The following KCTD1 variants were observed in gnomAD, a reference collection of about 807,000 sequenced individuals.
The protein encoded by KCTD1 is potassium channel tetramerization domain containing 1, also known as BTB/POZ domain-containing protein KCTD1.
Under a neutral mutation model 66.0 loss-of-function variants are expected in KCTD1, and 24 were observed. That is an observed-to-expected ratio of 0.36 (90% CI 0.26 to 0.51). KCTD1 has a LOEUF of 0.51. Ranked by LOEUF, KCTD1 falls within the 20% of genes least tolerant of loss-of-function variation. KCTD1 has a pLI of 0.95. For missense variants in KCTD1, 943 were observed against 1,205.2 expected, an observed-to-expected ratio of 0.78 and a Z score of 3.22; for synonymous variants, 511 against 517.2, an observed-to-expected ratio of 0.99 and a Z score of 0.16.
chr18:26,626,166 CAA>C (rs11426681), intron 1 of KCTD1, among the ~76,000 whole-genome samples: 1 of 138,662 alleles, frequency 7.2e-6, no homozygotes, highest in African/African-American at 2.6e-5. Context: ...AAAAAAAAAA[CAA>C]AAAAAAAAAC....
rs147159090 is a variant in KCTD1 at position 26,582,419 on chromosome 18, A to C, written c.-16+46728T>G. On this transcript the variant is annotated intron_variant, in intron 1 of 4. Transcript: ENST00000317932. ...ATGAGTTATTGTTTTTCCACCTCTC[A>C]GCTAACAAGAACACATTGTACTAGT... Among the ~76,000 whole-genome samples the C allele has an allele frequency of 3.1e-3, 475 of 152,366 alleles. 1 individual carries two copies. The highest frequency in any genetic ancestry group is 0.011 in the African/African-American group (442 of 41,588).
At chr18:26,549,745 G>T, upstream of KCTD1, 1 of 985,426 alleles carries the variant, frequency 1.0e-6, no homozygotes, top group Non-Finnish European at 1.2e-6. Context: ...TTTGCCAACC[G>T]CCATTCGTTC....
At chr18:26,518,486 G>C (rs1983768379) in intron 1 of KCTD1, among the ~76,000 whole-genome samples, 2 of 152,100 alleles carry the variant, frequency 1.3e-5, no homozygotes, top group African/African-American at 4.8e-5. Context: ...GGCTGGTCTT[G>C]AACTCCTGAC....
chr18:26,495,153 C>T (rs1466038011), intron 2 of KCTD1, among the ~76,000 whole-genome samples: 2 of 151,824 alleles, frequency 1.3e-5, no homozygotes, highest in Admixed American at 6.6e-5. Flanking sequence ...ACGGCTTGCA[C>T]GATGAGGCTG....
chr18:26,614,127 T>A (rs942646889), intron 1 of KCTD1, among the ~76,000 whole-genome samples: 2 of 152,264 alleles, frequency 1.3e-5, no homozygotes, highest in Non-Finnish European at 2.9e-5. Context: ...TGTTTATTTA[T>A]CATCTATCCT....
At chr18:26,601,338 A>AAAAG in intron 1 of KCTD1, among the ~76,000 whole-genome samples, 1 of 151,326 alleles carries the variant, frequency 6.6e-6, no homozygotes, top group Middle Eastern at 3.4e-3. Flanking sequence ...AAAAAAAAAA[A>AAAAG]AAAAAAAAAA....
chr18:26,621,207 T>C (rs184564348), intron 1 of KCTD1, among the ~76,000 whole-genome samples: 21 of 151,860 alleles, frequency 1.4e-4, no homozygotes, highest in African/African-American at 4.9e-4. Flanking sequence ...TTTATCTTTT[T>C]ACTTTTCTTT....
intron 1 of KCTD1, chr18:26,599,524 C>T (rs1986841254): frequency 1.3e-6 from 2 of 1,558,378 alleles, no homozygotes; most frequent in African/African-American, 2.7e-5. Context: ...GCAATGAGGG[C>T]CGTGGGTCTG....
At chr18:26,612,232 A>T (rs1400049881) in intron 1 of KCTD1, among the ~76,000 whole-genome samples, 1 of 150,542 alleles carries the variant, frequency 6.6e-6, no homozygotes, top group Non-Finnish European at 1.5e-5. Context: ...TGACTTGCAA[A>T]CTCTGGCAGC....
At chr18:26,571,337 C>A (rs1304722102) in intron 1 of KCTD1, among the ~76,000 whole-genome samples, 1 of 152,128 alleles carries the variant, frequency 6.6e-6, no homozygotes, top group Admixed American at 6.5e-5. Flanking sequence ...AGAGAATAAT[C>A]AAGAACACTT....
At chr18:26,575,897 C>T (rs1437627080) in intron 1 of KCTD1, among the ~76,000 whole-genome samples, 1 of 152,162 alleles carries the variant, frequency 6.6e-6, no homozygotes, top group Non-Finnish European at 1.5e-5. Context: ...TCAGCTACGA[C>T]GATATTCGGT....
chr18:26,498,188 T>C (rs1438824487), intron 2 of KCTD1, among the ~76,000 whole-genome samples: 3 of 152,098 alleles, frequency 2.0e-5, no homozygotes, highest in African/African-American at 7.2e-5. Context: ...TTTGCCAGCA[T>C]CCAATCCGAG....
intron 1 of KCTD1, among the ~76,000 whole-genome samples, chr18:26,522,799 C>T (rs1983976362): frequency 1.3e-5 from 2 of 152,156 alleles, no homozygotes; most frequent in Non-Finnish European, 2.9e-5. Flanking sequence ...CTTATTTACC[C>T]TCTTCAATGA....
chr18:26,486,951 A>G (rs1249470243), intron 2 of KCTD1, among the ~76,000 whole-genome samples: 1 of 152,230 alleles, frequency 6.6e-6, no homozygotes, highest in Non-Finnish European at 1.5e-5. Context: ...GCTTAATTCA[A>G]AAAGAAAGAA....
At chr18:26,532,590 T>G (rs1984502878) in intron 1 of KCTD1, among the ~76,000 whole-genome samples, 1 of 152,194 alleles carries the variant, frequency 6.6e-6, no homozygotes, top group Non-Finnish European at 1.5e-5. Flanking sequence ...TAGGCCAGAA[T>G]CTGCTACTCA....
chr18:26,508,993 C>T (rs552365833), intron 1 of KCTD1, among the ~76,000 whole-genome samples: 1 of 152,316 alleles, frequency 6.6e-6, no homozygotes, highest in East Asian at 1.9e-4. Context: ...TCAACCATAA[C>T]ATCAACGTGT....
intron 4 of KCTD1, chr18:26,457,224 G>C (rs1446215899): frequency 6.6e-6 from 1 of 152,212 alleles, no homozygotes; most frequent in East Asian, 1.9e-4. Flanking sequence ...CTCTATTTCT[G>C]TAGGTAAATT....
rs968619785 is a variant in KCTD1 at position 26,517,658 on chromosome 18, C to CAAA, written c.1810-16411_1810-16409dup. Among the ~76,000 whole-genome samples the CAAA allele has an allele frequency of 5.9e-3, 313 of 53,106 alleles. 1 individual carries two copies. The highest frequency in any genetic ancestry group is 0.015 in the Middle Eastern group (1 of 68). 34.8% of individuals were successfully genotyped at this position (53,106 alleles called of 152,430 possible). A position where few individuals can be genotyped will look rare whatever the true frequency, so the allele number is the denominator to read the frequency against. ...GGCAACAAGAGCGAAACTCCGTCTC[C>CAAA]AAAAAAAAAAAAAAAAAAAAAAAAA... On this transcript the variant is annotated intron_variant, in intron 1 of 4. Coordinates refer to ENST00000580059, the MANE Select transcript of KCTD1 (RefSeq NM_001142730.3).
chr18:26,573,987 A>AC (rs1217839030), intron 1 of KCTD1, among the ~76,000 whole-genome samples: 2 of 151,306 alleles, frequency 1.3e-5, no homozygotes, highest in Non-Finnish European at 2.9e-5. Context: ...CAACCAAAAG[A>AC]CCCCCCAGGT....
Sources: allele counts gnomAD v4.1 joint callset (sites outside exome capture counted in the v4.1 genomes callset), GRCh38; gene constraint gnomAD v4.1.1; transcripts MANE v1.5; gene names NCBI Gene and HGNC (gene_info 2026-07-23, HGNC 2026-07-21).